Variants in IGSF11 observed in about 807,000 individuals in gnomAD.
The protein encoded by IGSF11 is immunoglobulin superfamily member 11, also known as CXADR like 1.
A neutral mutation model predicts 41.0 loss-of-function variants in IGSF11; 22 were observed. That is an observed-to-expected ratio of 0.54 (90% CI 0.38 to 0.77). The LOEUF (loss-of-function observed/expected upper bound fraction) is 0.77, where lower values mean the gene tolerates loss of function less well. IGSF11 is among the 30% of genes least tolerant of loss of function. The probability of loss-of-function intolerance (pLI) is 0.00; values close to 1 mark genes in which losing one functional copy is unlikely to be tolerated. For synonymous variants in IGSF11, 219 were observed against 201.3 expected (o/e 1.09, Z -0.74); for missense variants, 444 against 530.8 (o/e 0.84, Z 1.61).
intron 1 of IGSF11, among the ~76,000 whole-genome samples, chr3:118,970,249 G>A (rs191622368): frequency 1.9e-4 from 29 of 152,230 alleles, no homozygotes; most frequent in Admixed American, 1.5e-3. Flanking sequence ...GATATGCTAC[G>A]TTTGTCTTTT....
upstream of IGSF11, among the ~76,000 whole-genome samples, chr3:119,107,297 G>C (rs979443216): frequency 7.2e-5 from 11 of 152,306 alleles, no homozygotes; most frequent in African/African-American, 1.2e-4. Context: ...GTGTGAGATG[G>C]TATCTCATTG....
chr3:119,024,430 G>C (rs1939619311), intron 1 of IGSF11, among the ~76,000 whole-genome samples: 2 of 152,054 alleles, frequency 1.3e-5, no homozygotes, highest in Non-Finnish European at 2.9e-5. Flanking sequence ...TAAAATACTA[G>C]GCAGTGAGTT....
At chr3:118,987,972 T>C (rs1935424430) in intron 1 of IGSF11, among the ~76,000 whole-genome samples, 1 of 152,236 alleles carries the variant, frequency 6.6e-6, no homozygotes, top group Non-Finnish European at 1.5e-5. Context: ...TGTAATATAT[T>C]AATTGGATAT....
chr3:119,045,937 T>G (rs1190288011), intron 1 of IGSF11, among the ~76,000 whole-genome samples: 1 of 151,882 alleles, frequency 6.6e-6, no homozygotes, highest in Non-Finnish European at 1.5e-5. Flanking sequence ...GAGGGTCCTG[T>G]CTGTTAGAAG....
At chr3:119,000,647 T>C (rs2107669348) in intron 1 of IGSF11, among the ~76,000 whole-genome samples, 1 of 152,242 alleles carries the variant, frequency 6.6e-6, no homozygotes, top group East Asian at 1.9e-4. Flanking sequence ...TGTCATACCA[T>C]CATCATTTCT....
At position 118,946,420 on chromosome 3, in the gene IGSF11, A is replaced by G. The variant is rs1046585124; in HGVS notation, c.53-16145T>C. Among the ~76,000 whole-genome samples, 5 of 151,612 alleles carry G rather than the reference A, an allele frequency of 3.3e-5. 1 individual carries two copies. The highest frequency in any genetic ancestry group is 1.9e-4 in the East Asian group (1 of 5,174). ...ATTTATAGCACTTTACAACAGATTT[A>G]ATCTCTAAAATGAGCCTATTTTACT... On this transcript the variant is annotated intron_variant, in intron 1 of 6. Coordinates refer to ENST00000393775, the MANE Select transcript of IGSF11 (RefSeq NM_001015887.3).
intron 1 of IGSF11, among the ~76,000 whole-genome samples, chr3:118,988,626 C>G (rs1300863364): frequency 6.6e-6 from 1 of 152,098 alleles, no homozygotes; most frequent in Non-Finnish European, 1.5e-5. Context: ...AGCTGGCTGT[C>G]CTCGGGGTGG....
At chr3:119,130,481 G>A (rs774091593) in intron 1 of IGSF11, among the ~76,000 whole-genome samples, 3 of 152,340 alleles carry the variant, frequency 2.0e-5, no homozygotes, top group Non-Finnish European at 4.4e-5. Context: ...AGATGGAATT[G>A]CAAGGCTGCA....
chr3:119,028,677 A>G (rs1395492916), intron 1 of IGSF11, among the ~76,000 whole-genome samples: 1 of 146,028 alleles, frequency 6.8e-6, no homozygotes, highest in Admixed American at 7.0e-5. Flanking sequence ...AATTTTGAAT[A>G]AACTTCCACA....
chr3:118,938,650 G>GT (rs146519289), intron 1 of IGSF11, among the ~76,000 whole-genome samples: 6 of 152,252 alleles, frequency 3.9e-5, no homozygotes, highest in African/African-American at 1.2e-4. Flanking sequence ...AGTCACTATG[G>GT]TTTATGACAT....
intron 1 of IGSF11, among the ~76,000 whole-genome samples, chr3:118,932,595 C>G (rs1263650390): frequency 3.3e-5 from 5 of 152,006 alleles, no homozygotes. Flanking sequence ...TTGAAAGAAC[C>G]TCAACAATTA....
intron 1 of IGSF11, among the ~76,000 whole-genome samples, chr3:119,059,618 G>C (rs1379080533): frequency 6.6e-6 from 1 of 151,992 alleles, no homozygotes; most frequent in Non-Finnish European, 1.5e-5. Context: ...AAAGGGTATT[G>C]GTGGATGTGA....
intron 1 of IGSF11, among the ~76,000 whole-genome samples, chr3:119,053,902 A>T (rs1171102179): frequency 1.3e-5 from 2 of 152,212 alleles, no homozygotes; most frequent in Non-Finnish European, 2.9e-5. Context: ...AGCCAACAAA[A>T]AGATAAAGTG....
chr3:119,044,571 G>A (rs995062533), intron 1 of IGSF11, among the ~76,000 whole-genome samples: 1 of 152,150 alleles, frequency 6.6e-6, no homozygotes, highest in African/African-American at 2.4e-5. Flanking sequence ...CACCTGGTAA[G>A]TTCATCACAA....
chr3:119,120,370 C>T (rs1270507138), intron 1 of IGSF11, among the ~76,000 whole-genome samples: 1 of 152,214 alleles, frequency 6.6e-6, no homozygotes, highest in African/African-American at 2.4e-5. Flanking sequence ...GGGGTATATA[C>T]CCTGGTTCTT....
chr3:118,971,205 GGCAGAAA>G (rs1311801267), intron 1 of IGSF11, among the ~76,000 whole-genome samples: 1 of 152,134 alleles, frequency 6.6e-6, no homozygotes, highest in Non-Finnish European at 1.5e-5. Flanking sequence ...TATTTACAGG[GGCAGAAA>G]GCAGAGAGAC....
chr3:119,137,838 C>T (rs7631754), intron 1 of IGSF11, among the ~76,000 whole-genome samples: 70,271 of 151,786 alleles, frequency 0.46, 16,346 homozygotes, highest in East Asian at 0.51. Flanking sequence ...CCAGAATATA[C>T]GAGGCACGCA....
chr3:119,085,163 C>T (rs978010362), intron 1 of IGSF11, among the ~76,000 whole-genome samples: 2 of 152,198 alleles, frequency 1.3e-5, no homozygotes, highest in South Asian at 2.1e-4. Flanking sequence ...CCTCTCTCCC[C>T]CTCATACCAT....
intron 1 of IGSF11, among the ~76,000 whole-genome samples, chr3:119,144,808 C>G (rs2077697458): frequency 6.6e-6 from 1 of 152,132 alleles, no homozygotes; most frequent in Non-Finnish European, 1.5e-5. Flanking sequence ...AATGTCAATA[C>G]AGGTTATCTC....
Sources: gnomAD v4.1 joint callset for allele counts (sites outside exome capture counted in the v4.1 genomes callset) on GRCh38, gnomAD v4.1.1 for gene constraint, MANE v1.5 for transcripts, NCBI Gene and HGNC (gene_info 2026-07-23, HGNC 2026-07-21) for gene names.